DLC1: variants seen among roughly 807,000 people sequenced by gnomAD.
DLC1 encodes the protein DLC1 Rho GTPase activating protein, also known as rho GTPase-activating protein 7.
DLC1 carries 54 observed loss-of-function variants against 140.3 expected under a neutral mutation model. The observed-to-expected ratio is 0.38, with a 90% CI of 0.31 to 0.48. The LOEUF is 0.48. Among genes scored for constraint, DLC1 ranks in the 20% least tolerant of loss-of-function variants. DLC1 has a pLI of 0.96. For missense variants in DLC1, 2,536 were observed against 1,907.0 expected, an observed-to-expected ratio of 1.33 and a Z score of -6.14; for synonymous variants, 986 against 728.1, an observed-to-expected ratio of 1.35 and a Z score of -5.70.
chr8:13,360,291 T>G (rs2117071695), intron 4 of DLC1, among the ~76,000 whole-genome samples: 1 of 152,292 alleles, frequency 6.6e-6, no homozygotes, highest in South Asian at 2.1e-4. Flanking sequence ...CACATTAGAA[T>G]CACATGGAGA....
intron 1 of DLC1, among the ~76,000 whole-genome samples, chr8:13,577,360 T>C (rs1215393737): frequency 6.6e-6 from 1 of 152,170 alleles, no homozygotes; most frequent in African/African-American, 2.4e-5. Flanking sequence ...AGTGTCCGTG[T>C]CCACAGAACA....
chr8:13,162,205 A>T (rs984721013), intron 5 of DLC1, among the ~76,000 whole-genome samples: 1 of 152,212 alleles, frequency 6.6e-6, no homozygotes, highest in Non-Finnish European at 1.5e-5. Flanking sequence ...GGAAAAGGCA[A>T]ACAATTCTAT....
chr8:13,542,000 C>T (rs536272207), intron 1 of DLC1, among the ~76,000 whole-genome samples: 4 of 152,260 alleles, frequency 2.6e-5, no homozygotes, highest in African/African-American at 9.6e-5. Context: ...ATATTTTCTT[C>T]CAGTCTGTGG....
At chr8:13,242,695 C>A (rs1337967947) in intron 5 of DLC1, among the ~76,000 whole-genome samples, 3 of 152,126 alleles carry the variant, frequency 2.0e-5, no homozygotes, top group African/African-American at 4.8e-5. Context: ...GCCTGGTCTC[C>A]TCAATAGGTT....
At position 13,102,851 on chromosome 8, in the gene DLC1, C is replaced by A. The variant is rs770811867; in HGVS notation, c.1505G>T (p.Arg502Leu). The change falls in exon 8 of 18, where the codon CGT becomes CTT. Residue 502 changes from arginine (R) to leucine (L), a missense_variant and splice_region_variant. Coordinates refer to ENST00000276297, the MANE Select transcript of DLC1 (RefSeq NM_182643.3). The part of the protein sequence containing the change: ...DRDAIEALCR[R>L]LNTLNKCAVM... ...CGCACATTTGTTTAAAGTATTTAGA[C>A]GCCTATAGAGCAAAGAAATAACGTT... is the stretch of plus-strand genomic sequence containing the variant. The A allele has an allele frequency of 6.2e-7, 1 of 1,613,838 alleles. No individual in the cohort carries two copies. Among genetic ancestry groups the A allele is most frequent in the Non-Finnish European group, 8.5e-7 (1 of 1,179,904 alleles).
intron 1 of DLC1, among the ~76,000 whole-genome samples, chr8:13,578,164 A>G (rs1585295155): frequency 6.6e-6 from 1 of 152,164 alleles, no homozygotes; most frequent in East Asian, 1.9e-4. Flanking sequence ...GTAACTCAGC[A>G]CAGCTGCTGC....
At chr8:13,428,778 C>G (rs751550021) in intron 2 of DLC1, among the ~76,000 whole-genome samples, 3 of 152,252 alleles carry the variant, frequency 2.0e-5, no homozygotes, top group East Asian at 1.9e-4. Flanking sequence ...GCTGTGACTC[C>G]TTTGTGTTTT....
chr8:13,422,625 A>G (rs961752274), intron 2 of DLC1, among the ~76,000 whole-genome samples: 1 of 151,996 alleles, frequency 6.6e-6, no homozygotes, highest in Non-Finnish European at 1.5e-5. Context: ...CAAATTTGTC[A>G]CTTCTTTCAT....
At chr8:13,598,206 A>G (rs545579430) in intron 1 of DLC1, among the ~76,000 whole-genome samples, 3 of 152,288 alleles carry the variant, frequency 2.0e-5, no homozygotes, top group Non-Finnish European at 4.4e-5. Context: ...AAAATGGGAT[A>G]TAAATAAAAT....
chr8:13,253,995 T>C (rs1425877914), intron 5 of DLC1, among the ~76,000 whole-genome samples: 1 of 152,140 alleles, frequency 6.6e-6, no homozygotes, highest in Non-Finnish European at 1.5e-5. Flanking sequence ...TCTCTTTTAA[T>C]TGGCAAAATC....
At chr8:13,233,380 G>A (rs1325588265) in intron 5 of DLC1, among the ~76,000 whole-genome samples, 2 of 146,394 alleles carry the variant, frequency 1.4e-5, no homozygotes, top group African/African-American at 2.5e-5. Context: ...TGAAAACTCC[G>A]GTTTACAACC....
intron 5 of DLC1, among the ~76,000 whole-genome samples, chr8:13,141,280 A>AAAAAAAAAAAAAAAAAAC (rs1822972262): frequency 7.1e-6 from 1 of 141,510 alleles, no homozygotes; most frequent in African/African-American, 2.5e-5. Context: ...AAAAAAAAAA[A>AAAAAAAAAAAAAAAAAAC]AAAAGCCAGC....
At chr8:13,431,575 A>G (rs986862189) in intron 2 of DLC1, among the ~76,000 whole-genome samples, 52 of 144,252 alleles carry the variant, frequency 3.6e-4, no homozygotes, top group African/African-American at 1.3e-3. Context: ...TGTCTTTGTG[A>G]TGACTTTGTT....
At chr8:13,222,048 A>G (rs1404060560) in intron 5 of DLC1, among the ~76,000 whole-genome samples, 1 of 150,238 alleles carries the variant, frequency 6.7e-6, no homozygotes, top group Admixed American at 6.7e-5. Flanking sequence ...TTCTAAGAAC[A>G]AAGGTTGAAA....
At chr8:13,147,140 A>G (rs993478534) in intron 5 of DLC1, among the ~76,000 whole-genome samples, 2 of 152,230 alleles carry the variant, frequency 1.3e-5, no homozygotes, top group Non-Finnish European at 2.9e-5. Flanking sequence ...CTAGGCCATT[A>G]TAGAACTGAA....
intron 5 of DLC1, among the ~76,000 whole-genome samples, chr8:13,137,350 T>A (rs1822647301): frequency 6.6e-6 from 1 of 152,184 alleles, no homozygotes; most frequent in Admixed American, 6.5e-5. Flanking sequence ...AGATTTTGGT[T>A]TGAGATGCTA....
At position 13,251,095 on chromosome 8, in the gene DLC1, T is replaced by C. The variant is rs554185269; in HGVS notation, c.1348+54174A>G. On this transcript the variant is annotated intron_variant, in intron 5 of 17. Coordinates refer to ENST00000276297, the MANE Select transcript of DLC1 (RefSeq NM_182643.3). The stretch of plus-strand genomic sequence containing the variant: ...TCTCCCTGGCTTATAGACAGCCACC[T>C]TCTTGTCTTCTCACATGGCCTTTCC... 2.5e-3 allele frequency among the ~76,000 whole-genome samples: 379 copies of C among 152,302 alleles called. 2 individuals are homozygous for C. Among genetic ancestry groups the C allele is most frequent in the Middle Eastern group, 3.4e-3 (1 of 294 alleles).
At chr8:13,574,753 G>A (rs949805507) in intron 1 of DLC1, among the ~76,000 whole-genome samples, 4 of 152,180 alleles carry the variant, frequency 2.6e-5, no homozygotes, top group Admixed American at 6.5e-5. Flanking sequence ...AAGTGGTGAT[G>A]CCAGACTGAG....
chr8:13,419,682 G>C (rs1023630264), intron 2 of DLC1, among the ~76,000 whole-genome samples: 4 of 152,026 alleles, frequency 2.6e-5, no homozygotes, highest in Admixed American at 1.3e-4. Context: ...CTCTTTTTTG[G>C]TTGTGTCTCT....
Sources: gnomAD v4.1 joint callset for allele counts (sites outside exome capture counted in the v4.1 genomes callset) on GRCh38, gnomAD v4.1.1 for gene constraint, MANE v1.5 for transcripts, NCBI Gene and HGNC (gene_info 2026-07-23, HGNC 2026-07-21) for gene names.